Variants in KLHL1 observed in about 807,000 individuals in gnomAD.
KLHL1 encodes the protein kelch like family member 1.
Under a neutral mutation model 77.7 loss-of-function variants are expected in KLHL1, and 47 were observed. That is an observed-to-expected ratio of 0.60 (90% CI 0.48 to 0.77). The LOEUF is 0.77. Among genes scored for constraint, KLHL1 ranks in the 30% least tolerant of loss-of-function variants. KLHL1 has a pLI of 0.00. For synonymous variants in KLHL1, 360 were observed against 325.2 expected, an observed-to-expected ratio of 1.11 and a Z score of -1.15; for missense variants, 925 against 910.8, an observed-to-expected ratio of 1.02 and a Z score of -0.20.
intron 1 of KLHL1, among the ~76,000 whole-genome samples, chr13:70,051,532 A>G (rs1260193758): frequency 6.6e-6 from 1 of 152,082 alleles, no homozygotes; most frequent in Non-Finnish European, 1.5e-5. Flanking sequence ...CTATTAAAAG[A>G]CAAGCACTTT....
At chr13:70,028,178 T>C (rs1489565129) in intron 1 of KLHL1, among the ~76,000 whole-genome samples, 1 of 152,190 alleles carries the variant, frequency 6.6e-6, no homozygotes, top group African/African-American at 2.4e-5. Context: ...TCTCTACAAG[T>C]AAAGGATAAA....
intron 7 of KLHL1, among the ~76,000 whole-genome samples, chr13:69,790,207 C>T (rs1876804737): frequency 6.6e-6 from 1 of 152,038 alleles, no homozygotes; most frequent in Admixed American, 6.6e-5. Flanking sequence ...TGAATAACAA[C>T]CTTCAAATAT....
chr13:70,084,065 CA>C (rs1212144520), intron 1 of KLHL1, among the ~76,000 whole-genome samples: 2 of 152,172 alleles, frequency 1.3e-5, no homozygotes, highest in East Asian at 3.9e-4. Flanking sequence ...TTAATAAAAG[CA>C]AAAACTACAG....
rs533839902 is a variant in KLHL1 at position 70,106,878 on chromosome 13, T to C, written c.497+325A>G. Among the ~76,000 whole-genome samples the C allele has an allele frequency of 2.6e-5, 4 of 152,292 alleles. No individual in the cohort carries two copies. The East Asian group carries it at 7.7e-4, about 29-fold the overall frequency. ...CAGATAATGGAACGACTGATATAAT[T>C]TAATGACGGTAGATGACAGAAGAAC... On this transcript the variant is annotated intron_variant, in intron 1 of 10. Transcript: ENST00000377844.
chr13:69,944,352 G>C (rs1883452028), intron 3 of KLHL1, among the ~76,000 whole-genome samples: 1 of 152,170 alleles, frequency 6.6e-6, no homozygotes, highest in African/African-American at 2.4e-5. Context: ...GGACTCCACT[G>C]GAAGGGAACC....
intron 4 of KLHL1, among the ~76,000 whole-genome samples, chr13:69,900,287 C>G (rs1881809998): frequency 6.6e-6 from 1 of 152,086 alleles, no homozygotes; most frequent in South Asian, 2.1e-4. Context: ...ACGTAATATT[C>G]ATTGGTCTCA....
chr13:69,890,976 T>C (rs930128254), intron 4 of KLHL1, among the ~76,000 whole-genome samples: 4 of 152,126 alleles, frequency 2.6e-5, no homozygotes, highest in African/African-American at 9.6e-5. Context: ...GCTGTTAATG[T>C]GTACAGGTTT....
chr13:69,827,817 C>T (rs901757314), intron 6 of KLHL1, among the ~76,000 whole-genome samples: 3 of 148,258 alleles, frequency 2.0e-5, no homozygotes, highest in Non-Finnish European at 4.5e-5. Context: ...AGAAATAATA[C>T]AAATTTTGGA....
In KLHL1 at chr13:69,796,941, T is replaced by A. The variant is rs1351903038; in HGVS notation, c.1436A>T (p.Tyr479Phe). ...GATCCACAGATTTGTTCTCAGATCATATTTCTCTATAGTTGTAGCTCCTGA... is the reference window on the plus strand; with the variant it reads ...GATCCACAGATTTGTTCTCAGATCAAATTTCTCTATAGTTGTAGCTCCTGA... ...NNKGATTIEK[Y>F]DLRTNLWIQA... Residue 479 changes from tyrosine (Y) to phenylalanine (F), a missense_variant, in exon 7 of 11, where the codon TAT (tyrosine) becomes TTT (phenylalanine). By Grantham distance (22) the Tyr-to-Phe change is conservative. Coordinates refer to ENST00000377844, the MANE Select transcript of KLHL1 (RefSeq NM_020866.3). 2 of 1,614,006 alleles carry A rather than the reference T, an allele frequency of 1.2e-6. No individual in the cohort carries two copies. Among genetic ancestry groups the A allele is most frequent in the Non-Finnish European group, 1.7e-6 (2 of 1,179,974 alleles).
intron 3 of KLHL1, among the ~76,000 whole-genome samples, chr13:69,955,890 T>A (rs1883850382): frequency 7.2e-6 from 1 of 138,524 alleles, no homozygotes; most frequent in African/African-American, 2.6e-5. Flanking sequence ...TATATATATA[T>A]TTGATATATT....
At chr13:69,882,609 C>T in intron 4 of KLHL1, 114 bp from the exon 5 acceptor site, 1 of 680,624 alleles carries the variant, frequency 1.5e-6, no homozygotes, top group Non-Finnish European at 2.5e-6. Context: ...TAACATAATC[C>T]TTGAGACTCG....
chr13:70,072,203 A>G (rs1036260064), intron 1 of KLHL1, among the ~76,000 whole-genome samples: 16 of 152,108 alleles, frequency 1.1e-4, no homozygotes, highest in African/African-American at 3.9e-4. Context: ...CTTAGATAAA[A>G]TGGACCATTT....
intron 7 of KLHL1, among the ~76,000 whole-genome samples, chr13:69,786,110 C>T (rs546119524): frequency 1.3e-5 from 2 of 152,162 alleles, no homozygotes; most frequent in Non-Finnish European, 2.9e-5. Context: ...CCTTCTGAAA[C>T]TATTCCAATC....
intron 6 of KLHL1, among the ~76,000 whole-genome samples, chr13:69,826,252 T>G (rs1000421256): frequency 1.3e-5 from 2 of 152,300 alleles, no homozygotes; most frequent in African/African-American, 4.8e-5. Flanking sequence ...AGATCAATTA[T>G]ATAATAGATC....
intron 7 of KLHL1, among the ~76,000 whole-genome samples, chr13:69,760,347 T>TTTATTATTATTA (rs141226123): frequency 6.0e-5 from 9 of 150,162 alleles, no homozygotes; most frequent in East Asian, 6.0e-4. Context: ...GTTAGGATAT[T>TTTATTATTATTA]TTATTATTAT....
At chr13:70,030,163 C>T (rs1357071273) in intron 1 of KLHL1, among the ~76,000 whole-genome samples, 5 of 152,114 alleles carry the variant, frequency 3.3e-5, no homozygotes, top group African/African-American at 4.8e-5. Flanking sequence ...TAACACCCCA[C>T]TGTCAACATT....
At chr13:69,729,551 C>A (rs1188625448) in intron 8 of KLHL1, among the ~76,000 whole-genome samples, 1 of 151,832 alleles carries the variant, frequency 6.6e-6, no homozygotes, top group African/African-American at 2.4e-5. Flanking sequence ...AGGAAAAAAA[C>A]AAACAAAAAA....
intron 1 of KLHL1, among the ~76,000 whole-genome samples, chr13:70,053,923 G>A (rs557817778): frequency 3.5e-4 from 53 of 152,218 alleles, no homozygotes; most frequent in African/African-American, 1.2e-3. Flanking sequence ...TGCTACCATA[G>A]TCACAAAGGC....
At chr13:69,742,875 G>C (rs866082398) in intron 7 of KLHL1, among the ~76,000 whole-genome samples, 5 of 152,292 alleles carry the variant, frequency 3.3e-5, no homozygotes, top group African/African-American at 1.2e-4. Flanking sequence ...GAAAGGATAA[G>C]TAAATGTGAA....
Sources: gnomAD v4.1 joint callset for allele counts (sites outside exome capture counted in the v4.1 genomes callset) on GRCh38, gnomAD v4.1.1 for gene constraint, MANE v1.5 for transcripts, NCBI Gene and HGNC (gene_info 2026-07-23, HGNC 2026-07-21) for gene names.